SPPL3: variants seen among roughly 807,000 people sequenced by gnomAD.
SPPL3 encodes signal peptide peptidase-like 3.
A neutral mutation model predicts 42.4 loss-of-function variants in SPPL3; 5 were observed. The observed-to-expected ratio is 0.12, with a 90% CI of 0.06 to 0.25. The LOEUF is 0.25. Ranked by LOEUF, SPPL3 falls within the 10% of genes least tolerant of loss-of-function variation. The probability of loss-of-function intolerance (pLI) is 1.00; values close to 1 mark genes in which losing one functional copy is unlikely to be tolerated. For missense variants in SPPL3, 235 were observed against 489.0 expected (o/e 0.48, Z 4.90); for synonymous variants, 195 against 181.8 (o/e 1.07, Z -0.58).
intron 1 of SPPL3, among the ~76,000 whole-genome samples, chr12:120,827,819 A>C (rs1234221376): frequency 1.3e-5 from 2 of 151,250 alleles, no homozygotes; most frequent in Admixed American, 6.6e-5. Flanking sequence ...GACAAGTCTC[A>C]CTCTGTTGCC....
intron 1 of SPPL3, among the ~76,000 whole-genome samples, chr12:120,890,856 C>T (rs1008052005): frequency 1.3e-5 from 2 of 152,066 alleles, no homozygotes; most frequent in African/African-American, 2.4e-5. Flanking sequence ...AGAATGTCTC[C>T]GAGGTATCTA....
intron 1 of SPPL3, among the ~76,000 whole-genome samples, chr12:120,817,425 CCT>C (rs1232285807): frequency 1.3e-5 from 2 of 152,280 alleles, no homozygotes; most frequent in South Asian, 2.1e-4. Context: ...CACAGATGAC[CCT>C]GTTTCCAGGT....
At chr12:120,874,147 A>G (rs1397179754) in intron 1 of SPPL3, among the ~76,000 whole-genome samples, 1 of 152,034 alleles carries the variant, frequency 6.6e-6, no homozygotes, top group Non-Finnish European at 1.5e-5. Context: ...AAAAGAAATG[A>G]AGAGTGAAAG....
intron 1 of SPPL3, among the ~76,000 whole-genome samples, chr12:120,820,645 T>C (rs1299864857): frequency 2.6e-5 from 4 of 152,082 alleles, no homozygotes; most frequent in African/African-American, 9.7e-5. Context: ...AACATTATAA[T>C]GTTGGAGATC....
At chr12:120,817,677 G>C (rs1811308216) in intron 1 of SPPL3, among the ~76,000 whole-genome samples, 1 of 152,154 alleles carries the variant, frequency 6.6e-6, no homozygotes, top group Non-Finnish European at 1.5e-5. Flanking sequence ...CTGCTAGACT[G>C]CTTTATCCCA....
chr12:120,812,697 A>G (rs1870724029), intron 1 of SPPL3, among the ~76,000 whole-genome samples: 1 of 152,168 alleles, frequency 6.6e-6, no homozygotes, highest in Non-Finnish European at 1.5e-5. Flanking sequence ...AAAACCCAGA[A>G]TAGTAGGTTA....
chr12:120,883,195 T>C (rs911719182), intron 1 of SPPL3, among the ~76,000 whole-genome samples: 2 of 151,040 alleles, frequency 1.3e-5, no homozygotes, highest in African/African-American at 4.9e-5. Flanking sequence ...ATCCCAGCTA[T>C]TCAGGAAGCT....
intron 1 of SPPL3, among the ~76,000 whole-genome samples, chr12:120,850,503 AAAAAAAAAAAC>A (rs1872186580): frequency 6.6e-6 from 1 of 151,164 alleles, no homozygotes; most frequent in Non-Finnish European, 1.5e-5. Flanking sequence ...AAAAAAAAAA[AAAAAAAAAAAC>A]AAAAGCCAAA....
At chr12:120,858,498 C>T (rs749157112) in intron 1 of SPPL3, among the ~76,000 whole-genome samples, 4 of 150,458 alleles carry the variant, frequency 2.7e-5, no homozygotes, top group Admixed American at 6.6e-5. Context: ...CATCATATGA[C>T]GAGGCAACAT....
intron 1 of SPPL3, among the ~76,000 whole-genome samples, chr12:120,897,828 T>C (rs1439033935): frequency 6.6e-6 from 1 of 152,196 alleles, no homozygotes; most frequent in East Asian, 1.9e-4. Flanking sequence ...CAATTGGATA[T>C]GATCATACCA....
intron 1 of SPPL3, among the ~76,000 whole-genome samples, chr12:120,890,589 A>G (rs1873609268): frequency 2.9e-5 from 1 of 35,012 alleles, no homozygotes; most frequent in African/African-American, 1.3e-4. Context: ...ACTCCGTCTC[A>G]AAAAAAAAAA....
intron 1 of SPPL3, among the ~76,000 whole-genome samples, chr12:120,881,753 T>TATA (rs1474989413): frequency 6.7e-6 from 1 of 149,382 alleles, no homozygotes; most frequent in Non-Finnish European, 1.5e-5. Flanking sequence ...ACACGCTAAA[T>TATA]ATAGATGAAG....
At chr12:120,899,531 T>C (rs1873908916) in intron 1 of SPPL3, among the ~76,000 whole-genome samples, 1 of 152,130 alleles carries the variant, frequency 6.6e-6, no homozygotes, top group Non-Finnish European at 1.5e-5. Context: ...GAGTTTACAA[T>C]ATAGTTAGAT....
At chr12:120,850,514 C>CAAAAAAAAAAAAAAAAAAAAAAAAAA in intron 1 of SPPL3, among the ~76,000 whole-genome samples, 1 of 116,698 alleles carries the variant, frequency 8.6e-6, no homozygotes, top group Non-Finnish European at 1.7e-5. Flanking sequence ...AAAAAAAAAA[C>CAAAAAAAAAAAAAAAAAAAAAAAAAA]AAAAGCCAAA....
rs2136979940 is a variant in SPPL3 at position 120,784,416 on chromosome 12, A to T, written c.310+58T>A. ...TAAATCTTAATTTTTGAACAATGAT[A>T]AAGGTGAAAAATTTTCCTTTTAGTA... On this transcript the variant is annotated intron_variant, in intron 4 of 10. Coordinates refer to ENST00000353487, the MANE Select transcript of SPPL3 (RefSeq NM_139015.5). 7 of 1,477,014 alleles carry T rather than the reference A, an allele frequency of 4.7e-6. No individual in the cohort carries two copies. In the East Asian group the frequency reaches 1.7e-4, roughly 36 times the overall value. 91.5% of individuals were successfully genotyped at this position (1,477,014 alleles called of 1,614,324 possible).
intron 2 of SPPL3, among the ~76,000 whole-genome samples, chr12:120,802,415 G>GTATATA (rs1555248882): frequency 1.5e-4 from 17 of 112,632 alleles, no homozygotes; most frequent in African/African-American, 3.0e-4. Flanking sequence ...GTGTGTGTGT[G>GTATATA]TATATATATA....
At chr12:120,892,416 A>G (rs982332979) in intron 1 of SPPL3, among the ~76,000 whole-genome samples, 2 of 152,216 alleles carry the variant, frequency 1.3e-5, no homozygotes, top group Non-Finnish European at 2.9e-5. Context: ...AGAAGGCTCC[A>G]CAGCAAGGGG....
intron 1 of SPPL3, among the ~76,000 whole-genome samples, chr12:120,876,634 A>AAAG (rs1555253890): frequency 9.6e-4 from 143 of 148,604 alleles, no homozygotes; most frequent in Middle Eastern, 3.6e-3. Flanking sequence ...AAAAAAAAAA[A>AAAG]AAGAAGAAAG....
chr12:120,803,252 T>G (rs900860978), intron 2 of SPPL3, among the ~76,000 whole-genome samples: 40 of 152,356 alleles, frequency 2.6e-4, no homozygotes, highest in African/African-American at 9.6e-4. Context: ...TTGGCTCTAT[T>G]TTGTCTCCAC....
Sources: gnomAD v4.1 joint callset for allele counts (sites outside exome capture counted in the v4.1 genomes callset) on GRCh38, gnomAD v4.1.1 for gene constraint, MANE v1.5 for transcripts, NCBI Gene and HGNC (gene_info 2026-07-23, HGNC 2026-07-21) for gene names.